The following DYRK4 variants were observed in gnomAD, a reference collection of about 807,000 sequenced individuals.
DYRK4 encodes the protein dual specificity tyrosine phosphorylation regulated kinase 4.
A neutral mutation model predicts 68.3 loss-of-function variants in DYRK4; 64 were observed. The observed-to-expected ratio is 0.94, with a 90% CI of 0.77 to 1.15. The LOEUF (loss-of-function observed/expected upper bound fraction) is 1.15. DYRK4 is among the 50% of genes most tolerant of loss of function. The probability of loss-of-function intolerance (pLI) is 0.00; values close to 1 mark genes in which losing one functional copy is unlikely to be tolerated. For missense variants in DYRK4, 740 were observed against 764.7 expected (o/e 0.97, Z 0.38); for synonymous variants, 274 against 289.9 (o/e 0.95, Z 0.56).
intron 1 of DYRK4, among the ~76,000 whole-genome samples, chr12:4,565,758 T>G (rs1002963383): frequency 1.3e-5 from 2 of 152,108 alleles, no homozygotes; most frequent in African/African-American, 4.8e-5. Flanking sequence ...CCCGAGTAGC[T>G]GGGATTACAG....
chr12:4,588,457 C>A (rs891911767), intron 2 of DYRK4, among the ~76,000 whole-genome samples: 1 of 152,214 alleles, frequency 6.6e-6, no homozygotes, highest in East Asian at 1.9e-4. Context: ...CCTCACCCTT[C>A]TAGGCGTGAA....
chr12:4,592,714 C>T (rs944536730), intron 5 of DYRK4: 7 of 284,160 alleles, frequency 2.5e-5, no homozygotes, highest in African/African-American at 1.5e-4. Flanking sequence ...AATTTGACTC[C>T]TGGAATTTTT....
chr12:4,579,489 A>G (rs1291743316), intron 2 of DYRK4, among the ~76,000 whole-genome samples: 1 of 152,084 alleles, frequency 6.6e-6, no homozygotes, highest in Non-Finnish European at 1.5e-5. Flanking sequence ...GTACTGTCAC[A>G]TGGCATGAGT....
intron 8 of DYRK4, among the ~76,000 whole-genome samples, chr12:4,598,628 G>A (rs1335960856): frequency 1.3e-5 from 2 of 152,166 alleles, no homozygotes; most frequent in Non-Finnish European, 2.9e-5. Context: ...TACTTGTCAG[G>A]AACCTCATGT....
chr12:4,602,993 G>T, intron 10 of DYRK4: 1 of 897,190 alleles, frequency 1.1e-6, no homozygotes, highest in Non-Finnish European at 1.8e-6. Flanking sequence ...ATCATTCACG[G>T]GTTCTTGATT....
Position 4,613,768 on chromosome 12 carries a change from A to G in DYRK4, c.*15A>G, listed in dbSNP as rs757558791. On this transcript the variant is annotated 3_prime_UTR_variant, in exon 15 of 15. Transcript: ENST00000543431. The surrounding 1 kb of genome is among the most constrained non-coding windows in gnomAD (Gnocchi z 4.0). ...CTATTGTATGACCTTTGCTGAGGGT[A>G]TGTCCTGCTCCTTTCCACCAGTGAT... is the stretch of plus-strand genomic sequence containing the variant. 6.6e-7 allele frequency: 1 copy of G among 1,519,508 alleles called. No individual in the cohort carries two copies. The highest frequency in any genetic ancestry group is 8.9e-7 in the Non-Finnish European group (1 of 1,127,076). 94.1% of individuals were successfully genotyped at this position (1,519,508 alleles called of 1,614,324 possible). A position where few individuals can be genotyped will look rare whatever the true frequency, so the allele number is the denominator to read the frequency against.
At chr12:4,612,748 C>A (rs1945238361) in intron 14 of DYRK4, 30 bp downstream of exon 14, 1 of 1,609,654 alleles carries the variant, frequency 6.2e-7, no homozygotes, top group African/African-American at 1.3e-5. Flanking sequence ...CAGTCCTAGT[C>A]CCACAGTCCG....
intron 10 of DYRK4, among the ~76,000 whole-genome samples, chr12:4,600,162 G>A (rs1945064964): frequency 6.6e-6 from 1 of 152,186 alleles, no homozygotes; most frequent in Non-Finnish European, 1.5e-5. Flanking sequence ...TCATTCTGAA[G>A]TTTGGAATTC....
At chr12:4,565,652 G>A (rs1944669016) in intron 1 of DYRK4, among the ~76,000 whole-genome samples, 1 of 150,142 alleles carries the variant, frequency 6.7e-6, no homozygotes, top group South Asian at 2.1e-4. Flanking sequence ...TTAAGATGGA[G>A]TCTTGCTCTG....
intron 2 of DYRK4, among the ~76,000 whole-genome samples, chr12:4,574,305 C>G (rs1944764332): frequency 6.6e-6 from 1 of 151,564 alleles, no homozygotes; most frequent in Admixed American, 6.6e-5. Context: ...TGTTCATTGT[C>G]CCGTCTGAGA....
chr12:4,587,616 C>A (rs988444112), intron 2 of DYRK4, among the ~76,000 whole-genome samples: 7 of 152,300 alleles, frequency 4.6e-5, no homozygotes, highest in African/African-American at 1.7e-4. Flanking sequence ...ATTTTCCATT[C>A]AATAGTGGAA....
At chr12:4,562,766 C>CG (rs1944640867) in intron 1 of DYRK4, among the ~76,000 whole-genome samples, 1 of 152,254 alleles carries the variant, frequency 6.6e-6, no homozygotes, top group Non-Finnish European at 1.5e-5. Flanking sequence ...CCCATATGCC[C>CG]GGGCACCTCT....
chr12:4,590,952 G>A, intron 4 of DYRK4: 2 of 607,850 alleles, frequency 3.3e-6, no homozygotes, highest in Admixed American at 3.0e-5. Context: ...TAAGGTACAG[G>A]GGTCTCCCCA....
At chr12:4,578,807 G>A (rs550793583) in intron 2 of DYRK4, among the ~76,000 whole-genome samples, 1 of 152,174 alleles carries the variant, frequency 6.6e-6, no homozygotes, top group African/African-American at 2.4e-5. Flanking sequence ...GTCAAAATCT[G>A]TCTGACTCTG....
At chr12:4,584,958 A>C (rs1944880194) in intron 2 of DYRK4, among the ~76,000 whole-genome samples, 1 of 152,102 alleles carries the variant, frequency 6.6e-6, no homozygotes, top group African/African-American at 2.4e-5. Flanking sequence ...AAAACAAAAG[A>C]AGTGTGAGAA....
chr12:4,613,277 C>T lies in DYRK4; in HGVS notation c.1667-238C>T, dbSNP rs999443691. Among the ~76,000 whole-genome samples, 5 of 152,212 alleles carry T rather than the reference C, an allele frequency of 3.3e-5. No individual in the cohort carries two copies. The highest frequency in any genetic ancestry group is 1.2e-4 in the African/African-American group (5 of 41,440). ...ACTTAACCTCTCTGTAGCTCAGTAT[C>T]TCCATTTATGAGAATGAGAATAAAG... On this transcript the variant is annotated intron_variant, in intron 14 of 14. Coordinates refer to ENST00000543431, the MANE Select transcript of DYRK4 (RefSeq NM_001394779.1). This position sits in a 1 kb window ranked among gnomAD's most constrained non-coding sequence, Gnocchi z 4.0.
chr12:4,609,554 A>C (rs1945193789), intron 12 of DYRK4, among the ~76,000 whole-genome samples: 1 of 152,156 alleles, frequency 6.6e-6, no homozygotes, highest in Non-Finnish European at 1.5e-5. Context: ...GGCTGGTAAG[A>C]TATTATACTT....
intron 6 of DYRK4, among the ~76,000 whole-genome samples, chr12:4,595,658 C>G (rs1414218604): frequency 1.3e-5 from 2 of 152,138 alleles, no homozygotes; most frequent in Non-Finnish European, 2.9e-5. Flanking sequence ...AGAGAGGAGA[C>G]CTAACGCCTT....
chr12:4,590,377 G>A lies in DYRK4; in HGVS notation c.261G>A (p.Lys87=). 2 of 1,535,962 alleles carry A rather than the reference G, an allele frequency of 1.3e-6. No individual in the cohort carries two copies. Among genetic ancestry groups the A allele is most frequent in the Non-Finnish European group, 1.7e-6 (2 of 1,146,848 alleles). Residue 87 remains lysine (K), a synonymous_variant, in exon 4 of 15, where the codon AAG becomes AAA. Transcript: ENST00000543431. Reference sequence around the variant, plus strand: ...CCTTTGTGGACACCAAGGGGAAGAAGAATACGGTAAGCTTCCCACACATTA... The same window carrying A: ...CCTTTGTGGACACCAAGGGGAAGAAAAATACGGTAAGCTTCCCACACATTA... ...SLPFVDTKGK[K]NTVSFPHISK...
Sources: gnomAD v4.1 joint callset for allele counts (sites outside exome capture counted in the v4.1 genomes callset) on GRCh38, gnomAD v4.1.1 for gene constraint, Gnocchi (gnomAD v3.1) non-coding constraint, MANE v1.5 for transcripts, NCBI Gene and HGNC (gene_info 2026-07-23, HGNC 2026-07-21) for gene names.